The following EPC2 variants were observed in gnomAD, a reference collection of about 807,000 sequenced individuals.
The protein encoded by EPC2 is enhancer of polycomb 2.
Under a neutral mutation model 92.1 loss-of-function variants are expected in EPC2, and 14 were observed. The observed-to-expected ratio is 0.15, with a 90% CI of 0.10 to 0.24. EPC2 has a LOEUF of 0.24. Among genes scored for constraint, EPC2 ranks in the 10% least tolerant of loss-of-function variants. EPC2 has a pLI of 1.00. For synonymous variants in EPC2, 340 were observed against 334.7 expected, an observed-to-expected ratio of 1.02 and a Z score of -0.17; for missense variants, 755 against 971.5, an observed-to-expected ratio of 0.78 and a Z score of 2.96.
chr2:148,786,544 GA>G lies in EPC2; in HGVS notation c.*171del, dbSNP rs1683872357. The G allele has an allele frequency of 2.1e-6, 1 of 483,188 alleles. No individual in the cohort carries two copies. Among genetic ancestry groups the G allele is most frequent in the Non-Finnish European group, 3.7e-6 (1 of 267,184 alleles). The allele number at this position is 483,188 out of a possible 1,614,324, so 29.9% of individuals were successfully genotyped here. ...TATGATGTATATTTTGTAAAATTGG[GA>G]AAATCACTACCTTGTAAAATAGTTT... On this transcript the variant is annotated 3_prime_UTR_variant, in exon 14 of 14. Coordinates refer to ENST00000258484, the MANE Select transcript of EPC2 (RefSeq NM_015630.4).
chr2:148,748,220 C>T (rs1683023192), intron 3 of EPC2, among the ~76,000 whole-genome samples: 1 of 152,096 alleles, frequency 6.6e-6, no homozygotes, highest in African/African-American at 2.4e-5. Context: ...ATAAGATGTG[C>T]CTGCTTCCCT....
intron 2 of EPC2, among the ~76,000 whole-genome samples, chr2:148,695,232 G>A (rs10183992): frequency 0.044 from 6,700 of 152,248 alleles, 171 homozygotes; most frequent in Middle Eastern, 0.11. Flanking sequence ...AACAGTAGAC[G>A]GTCCTGACTG....
rs1042888298 is a variant in EPC2, at chr2:148,781,191, C to T, written c.1721-453C>T. On this transcript the variant is annotated intron_variant, in intron 10 of 13. Coordinates refer to ENST00000258484, the MANE Select transcript of EPC2 (RefSeq NM_015630.4). ...GTAATCAGAGAATAAAGTATTTTCACTTCAGTGTTTTATGAAACCAGCAGT... is the reference window on the plus strand; with the variant it reads ...GTAATCAGAGAATAAAGTATTTTCATTTCAGTGTTTTATGAAACCAGCAGT... Among the ~76,000 whole-genome samples, 7 of 152,172 alleles carry T rather than the reference C, an allele frequency of 4.6e-5. No individual in the cohort carries two copies. The South Asian group carries it at 1.2e-3, about 27-fold the overall frequency.
chr2:148,683,615 A>G (rs752207947), intron 1 of EPC2, among the ~76,000 whole-genome samples: 21 of 152,158 alleles, frequency 1.4e-4, no homozygotes, highest in Non-Finnish European at 2.8e-4. Context: ...GCTCCCACTT[A>G]TAAATAATAA....
At chr2:148,743,865 C>T (rs1682931079) in intron 3 of EPC2, 98 bp downstream of exon 3, 1 of 943,396 alleles carries the variant, frequency 1.1e-6, no homozygotes, top group African/African-American at 1.7e-5. Flanking sequence ...TCTTGGATTT[C>T]TTTTCCTGAC....
At chr2:148,666,465 T>A (rs541938965) in intron 1 of EPC2, among the ~76,000 whole-genome samples, 54 of 152,304 alleles carry the variant, frequency 3.5e-4, no homozygotes, top group South Asian at 6.2e-4. Flanking sequence ...TTAAAAAAAA[T>A]TTTTAATTTA....
intron 8 of EPC2, among the ~76,000 whole-genome samples, chr2:148,769,454 T>C (rs1221929360): frequency 6.6e-6 from 1 of 152,170 alleles, no homozygotes; most frequent in East Asian, 1.9e-4. Flanking sequence ...ATTCCTCACA[T>C]TTTAGAAATT....
chr2:148,692,151 T>C (rs913440623), intron 2 of EPC2: 1 of 225,990 alleles, frequency 4.4e-6, no homozygotes, highest in African/African-American at 2.3e-5. Flanking sequence ...ATATTTAACA[T>C]TTCCTTGGAT....
intron 2 of EPC2, among the ~76,000 whole-genome samples, chr2:148,728,768 C>G (rs1464634321): frequency 6.6e-6 from 1 of 150,770 alleles, no homozygotes; most frequent in African/African-American, 2.4e-5. Context: ...CACGGTAGCT[C>G]ACGCCTGTAA....
chr2:148,761,300 A>G (rs1683297363), intron 4 of EPC2, among the ~76,000 whole-genome samples: 2 of 152,304 alleles, frequency 1.3e-5, no homozygotes, highest in African/African-American at 2.4e-5. Context: ...TTTACTGGTC[A>G]TTGTTCATGT....
chr2:148,712,832 A>G (rs1682176683), intron 2 of EPC2, among the ~76,000 whole-genome samples: 1 of 152,186 alleles, frequency 6.6e-6, no homozygotes, highest in Non-Finnish European at 1.5e-5. Context: ...ACAGTGAAGC[A>G]TGATCACTCC....
chr2:148,735,228 T>C (rs1046377178), intron 2 of EPC2, among the ~76,000 whole-genome samples: 4 of 152,050 alleles, frequency 2.6e-5, no homozygotes, highest in African/African-American at 9.6e-5. Context: ...TACTGCAGAA[T>C]TGTTCTTCAA....
chr2:148,690,144 CTT>C (rs964138127), intron 1 of EPC2, 68 bp from the exon 2 acceptor site: 3 of 1,402,862 alleles, frequency 2.1e-6, no homozygotes, highest in Admixed American at 2.7e-5. Flanking sequence ...AACAAAGTAA[CTT>C]TTATATAAAA....
chr2:148,764,823 T>G, intron 6 of EPC2, 132 bp from the exon 7 acceptor site: 3 of 568,536 alleles, frequency 5.3e-6, no homozygotes, highest in Non-Finnish European at 8.3e-6. Flanking sequence ...CAGAATAATT[T>G]TTGCGTATTA....
chr2:148,779,568 G>A (rs560108842), intron 10 of EPC2, among the ~76,000 whole-genome samples: 1 of 152,258 alleles, frequency 6.6e-6, no homozygotes, highest in Admixed American at 6.5e-5. Flanking sequence ...GGGCAATAGA[G>A]CAAGACTCTG....
At chr2:148,727,202 G>A (rs1297511357) in intron 2 of EPC2, among the ~76,000 whole-genome samples, 1 of 152,068 alleles carries the variant, frequency 6.6e-6, no homozygotes, top group Non-Finnish European at 1.5e-5. Flanking sequence ...TTTTCCCATT[G>A]TGTAGTCTTG....
chr2:148,662,656 G>A (rs1474734435), intron 1 of EPC2, among the ~76,000 whole-genome samples: 3 of 152,020 alleles, frequency 2.0e-5, no homozygotes, highest in Non-Finnish European at 2.9e-5. Context: ...ATAACACACC[G>A]GGGACTGTTG....
intron 1 of EPC2, among the ~76,000 whole-genome samples, chr2:148,688,558 A>G (rs1002135604): frequency 3.3e-5 from 5 of 152,188 alleles, no homozygotes; most frequent in South Asian, 2.1e-4. Context: ...AACTTAAAGT[A>G]TAATAATAAT....
At chr2:148,679,622 T>G (rs907166648) in intron 1 of EPC2, among the ~76,000 whole-genome samples, 1 of 152,198 alleles carries the variant, frequency 6.6e-6, no homozygotes, top group Non-Finnish European at 1.5e-5. Context: ...GTTGTAGGTG[T>G]GTGGTTCTCA....
Sources: gnomAD v4.1 joint callset for allele counts (sites outside exome capture counted in the v4.1 genomes callset) on GRCh38, gnomAD v4.1.1 for gene constraint, MANE v1.5 for transcripts, NCBI Gene and HGNC (gene_info 2026-07-23, HGNC 2026-07-21) for gene names.